Variants in SPATA16 observed in about 807,000 individuals in gnomAD.
The protein encoded by SPATA16 is spermatogenesis associated 16, also known as spermatogenesis-associated protein 16.
A neutral mutation model predicts 63.3 loss-of-function variants in SPATA16; 36 were observed. The observed-to-expected ratio is 0.57, with a 90% CI of 0.44 to 0.75. SPATA16 has a LOEUF of 0.75. Ranked by LOEUF, SPATA16 falls within the 30% of genes least tolerant of loss-of-function variation. The pLI, the probability that SPATA16 is intolerant of heterozygous loss-of-function variation, is 0.00. For synonymous variants in SPATA16, 203 were observed against 216.7 expected (o/e 0.94, Z 0.56); for missense variants, 646 against 679.3 (o/e 0.95, Z 0.54).
At chr3:173,108,601 G>GTATATCTAA (rs770655094) in intron 2 of SPATA16, among the ~76,000 whole-genome samples, 3 of 152,202 alleles carry the variant, frequency 2.0e-5, no homozygotes, top group African/African-American at 4.8e-5. Context: ...GGGCATCTGT[G>GTATATCTAA]TATATCTAAT....
chr3:172,958,785 A>ACG (rs1228330394), intron 5 of SPATA16, among the ~76,000 whole-genome samples: 3 of 151,816 alleles, frequency 2.0e-5, no homozygotes, highest in African/African-American at 4.8e-5. Flanking sequence ...GTGTGTGTGC[A>ACG]CGCACGTGTG....
chr3:172,988,826 CG>C (rs1734512366), intron 4 of SPATA16, among the ~76,000 whole-genome samples: 1 of 152,034 alleles, frequency 6.6e-6, no homozygotes, highest in Admixed American at 6.5e-5. Flanking sequence ...TTAGTAGAGA[CG>C]GGGTTTCACC....
intron 4 of SPATA16, among the ~76,000 whole-genome samples, chr3:173,006,551 T>A (rs1279292604): frequency 5.9e-5 from 9 of 152,234 alleles, no homozygotes; most frequent in Non-Finnish European, 5.9e-5. Context: ...TACCATCATC[T>A]CTTCAGAACC....
In SPATA16 at chr3:173,049,106, A is replaced by G. The variant is rs752327249; in HGVS notation, c.613-12T>C. On this transcript the variant is annotated splice_polypyrimidine_tract_variant and intron_variant, in intron 2 of 10. Transcript: ENST00000351008. ...CCTTTGCTGCAAAGCTTTAAAAAAT[A>G]TAGTACTTTCAACATCTTAATAATC... The G allele has an allele frequency of 6.9e-6, 11 of 1,605,564 alleles. No homozygotes were observed. Among genetic ancestry groups the G allele is most frequent in the Non-Finnish European group, 9.4e-6 (11 of 1,175,298 alleles).
chr3:173,045,761 C>T (rs1412010819), intron 3 of SPATA16, among the ~76,000 whole-genome samples: 1 of 151,962 alleles, frequency 6.6e-6, no homozygotes, highest in Non-Finnish European at 1.5e-5. Flanking sequence ...TATTTATTTA[C>T]ACTCTGCTAC....
chr3:173,036,261 C>T (rs1406804613), intron 3 of SPATA16, among the ~76,000 whole-genome samples: 1 of 152,006 alleles, frequency 6.6e-6, no homozygotes, highest in Non-Finnish European at 1.5e-5. Context: ...AGGAACACAA[C>T]TGACAGTATA....
intron 10 of SPATA16, among the ~76,000 whole-genome samples, chr3:172,892,280 G>A (rs916585507): frequency 1.3e-5 from 2 of 152,118 alleles, no homozygotes; most frequent in Admixed American, 6.6e-5. Context: ...TTCTGCTCTC[G>A]GGTTGGCTTC....
chr3:173,117,544 G>A lies in SPATA16; in HGVS notation c.188C>T (p.Thr63Ile), dbSNP rs2108337165. The A allele has an allele frequency of 6.2e-7, 1 of 1,613,926 alleles. No homozygotes were observed. The highest frequency in any genetic ancestry group is 8.5e-7 in the Non-Finnish European group (1 of 1,179,964). ...TTCTTTGATGCCCTTTGTCATTTTT[G>A]TTCTTTCAAGTGTGATTTCTACCTG... ...GKQVEITLER[T>I]KMTKGIKEKQ... is the part of the protein sequence containing the mutation. The change falls in exon 2 of 11, where the codon ACA (threonine) becomes ATA (isoleucine). Residue 63 changes from threonine to isoleucine, a missense_variant. Thr to Ile is a moderately conservative substitution (Grantham distance 89). Transcript: ENST00000351008.
chr3:172,906,754 A>T (rs116686761), intron 10 of SPATA16, among the ~76,000 whole-genome samples: 14,707 of 151,690 alleles, frequency 0.097, 815 homozygotes, highest in African/African-American at 0.14. Flanking sequence ...TTTATTTTTT[A>T]TTTTTGAGAC....
At chr3:172,938,109 A>G (rs1733051876) in intron 6 of SPATA16, among the ~76,000 whole-genome samples, 1 of 152,192 alleles carries the variant, frequency 6.6e-6, no homozygotes, top group Non-Finnish European at 1.5e-5. Flanking sequence ...TACCCAGGTT[A>G]TGGTAAATTG....
chr3:173,043,056 A>G (rs369835031), intron 3 of SPATA16, among the ~76,000 whole-genome samples: 11 of 152,062 alleles, frequency 7.2e-5, no homozygotes, highest in Admixed American at 3.3e-4. Context: ...CTTTCAATGT[A>G]TGCTTTATAT....
intron 6 of SPATA16, among the ~76,000 whole-genome samples, chr3:172,935,113 A>G (rs1379607119): frequency 6.6e-6 from 1 of 152,240 alleles, no homozygotes; most frequent in Non-Finnish European, 1.5e-5. Context: ...ATCAGTTAGT[A>G]TAGACAAGAG....
rs1282617083 is a variant in SPATA16 at position 172,905,093 on chromosome 3, G to A, written c.1587+8568C>T. Among the ~76,000 whole-genome samples the A allele has an allele frequency of 2.6e-5, 4 of 152,036 alleles. No individual in the cohort carries two copies. The East Asian group carries it at 7.7e-4, about 29-fold the overall frequency. The stretch of plus-strand genomic sequence containing the variant: ...TAAAAGCACTTAGGTTTCTTTCCCT[G>A]CATGATCTGCACTACGCCTTGGACA... On this transcript the variant is annotated intron_variant, in intron 10 of 10. Coordinates refer to ENST00000351008, the MANE Select transcript of SPATA16 (RefSeq NM_031955.6).
chr3:172,964,606 C>A (rs1049509880), intron 5 of SPATA16, among the ~76,000 whole-genome samples: 7 of 152,070 alleles, frequency 4.6e-5, no homozygotes, highest in African/African-American at 4.8e-5. Flanking sequence ...AGCTTGGGAC[C>A]CTTTTTTGTC....
At chr3:173,020,273 C>G (rs538102286) in intron 3 of SPATA16, among the ~76,000 whole-genome samples, 1 of 147,030 alleles carries the variant, frequency 6.8e-6, no homozygotes, top group South Asian at 2.2e-4. Context: ...GCCTGGGGGA[C>G]AAGAGCGAGA....
intron 2 of SPATA16, among the ~76,000 whole-genome samples, chr3:173,071,668 A>T (rs1736676853): frequency 6.6e-6 from 1 of 152,236 alleles, no homozygotes; most frequent in African/African-American, 2.4e-5. Context: ...CATATTTCAA[A>T]AGAAGACATG....
At position 173,056,626 on chromosome 3, in the gene SPATA16, C is replaced by T. The variant is rs148858905; in HGVS notation, c.613-7532G>A. Reference sequence around the variant, plus strand: ...GGCTGAGGCAGAAGAATCTCTTGAACCCAGGAGGCGGAGGTTGCAGTAAGC... The same window carrying T: ...GGCTGAGGCAGAAGAATCTCTTGAATCCAGGAGGCGGAGGTTGCAGTAAGC... On this transcript the variant is annotated intron_variant, in intron 2 of 10. Transcript: ENST00000351008. Among the ~76,000 whole-genome samples the T allele has an allele frequency of 2.2e-3, 326 of 146,530 alleles. 1 individual carries two copies. Among genetic ancestry groups the T allele is most frequent in the African/African-American group, 8.2e-3 (320 of 38,970 alleles).
At chr3:173,136,344 A>C (rs1444788848) in intron 1 of SPATA16, among the ~76,000 whole-genome samples, 2 of 152,094 alleles carry the variant, frequency 1.3e-5, no homozygotes, top group East Asian at 1.9e-4. Flanking sequence ...CTATCTTTTT[A>C]AAAATAATTT....
At chr3:172,954,908 C>T (rs1340973860) in intron 6 of SPATA16, among the ~76,000 whole-genome samples, 1 of 152,194 alleles carries the variant, frequency 6.6e-6, no homozygotes, top group Non-Finnish European at 1.5e-5. Flanking sequence ...ACCTCACGTT[C>T]CTCCTCCAGA....
Sources: allele counts gnomAD v4.1 joint callset (sites outside exome capture counted in the v4.1 genomes callset), GRCh38; gene constraint gnomAD v4.1.1; transcripts MANE v1.5; gene names NCBI Gene and HGNC (gene_info 2026-07-23, HGNC 2026-07-21).